Variants in SIRPA observed in about 807,000 individuals in gnomAD.
SIRPA encodes signal regulatory protein alpha, also known as tyrosine-protein phosphatase non-receptor type substrate 1.
SIRPA carries 9 observed loss-of-function variants against 50.3 expected under a neutral mutation model. That is an observed-to-expected ratio of 0.18 (90% CI 0.11 to 0.31). The LOEUF (loss-of-function observed/expected upper bound fraction) is 0.31, where lower values mean the gene tolerates loss of function less well. SIRPA is among the 10% of genes least tolerant of loss of function. The probability of loss-of-function intolerance (pLI) is 1.00; values close to 1 mark genes in which losing one functional copy is unlikely to be tolerated. For synonymous variants in SIRPA, 265 were observed against 284.1 expected (o/e 0.93, Z 0.68); for missense variants, 474 against 661.6 (o/e 0.72, Z 3.11).
chr20:1,917,899 C>T (rs1272992984), intron 2 of SIRPA, among the ~76,000 whole-genome samples: 1 of 152,126 alleles, frequency 6.6e-6, no homozygotes, highest in East Asian at 1.9e-4. Context: ...CCTAGAACTG[C>T]ATGAAGTCAG....
rs1421667525 is a variant in SIRPA, at chr20:1,932,188, GT to G, written c.1227-2526del. Among the ~76,000 whole-genome samples, 1 of 152,208 alleles carries G rather than the reference GT, an allele frequency of 6.6e-6. No individual in the cohort carries two copies. Among genetic ancestry groups the G allele is most frequent in the African/African-American group, 2.4e-5 (1 of 41,442 alleles). ...CCAGTTCCTCCCTGTGTGAAGCTCAGTGTCCGCTGAGGAGACAGGTTACCAG... is the reference window on the plus strand; with the variant it reads ...CCAGTTCCTCCCTGTGTGAAGCTCAGGTCCGCTGAGGAGACAGGTTACCAG... On this transcript the variant is annotated intron_variant, in intron 6 of 7. Coordinates refer to ENST00000358771, the MANE Select transcript of SIRPA (RefSeq NM_001040023.2). This position sits in a 1 kb window ranked among gnomAD's most constrained non-coding sequence, Gnocchi z 6.0.
At chr20:1,926,461 G>A (rs1985986893) in intron 5 of SIRPA, among the ~76,000 whole-genome samples, 1 of 152,244 alleles carries the variant, frequency 6.6e-6, no homozygotes, top group African/African-American at 2.4e-5. Context: ...GGGCTTAGGT[G>A]TTGCAGAGGA....
chr20:1,922,294 C>G lies in SIRPA; in HGVS notation c.755-19C>G, dbSNP rs1298947552. 3 of 1,613,212 alleles carry G rather than the reference C, an allele frequency of 1.9e-6. No individual in the cohort carries two copies. The highest frequency in any genetic ancestry group is 1.7e-6 in the Non-Finnish European group (2 of 1,179,420). ...TGTCTGTGCCACAAGGTCAGAGCTTCTGCCCTGTGCTGTTTCAGTTCCACC... is the reference window on the plus strand; with the variant it reads ...TGTCTGTGCCACAAGGTCAGAGCTTGTGCCCTGTGCTGTTTCAGTTCCACC... On this transcript the variant is annotated intron_variant, in intron 3 of 7. Transcript: ENST00000358771.
chr20:1,915,506 T>C (rs1180346660), intron 2 of SIRPA, 51 bp downstream of exon 2: 1 of 1,588,430 alleles, frequency 6.3e-7, no homozygotes, highest in East Asian at 2.2e-5. Flanking sequence ...AGTAACTCAA[T>C]AATAACACCC....
At position 1,903,473 on chromosome 20, in the gene SIRPA, G is replaced by A. The variant is rs991974035; in HGVS notation, c.79+7947G>A. On this transcript the variant is annotated intron_variant, in intron 1 of 7. Coordinates refer to ENST00000358771, the MANE Select transcript of SIRPA (RefSeq NM_001040023.2). The stretch of plus-strand genomic sequence containing the variant: ...ATCCCCATTGCTGCTTTCCGCAGCC[G>A]TCCTTGCCCCCTTCGGGCTCTTCAC... Among the ~76,000 whole-genome samples the A allele has an allele frequency of 4.6e-5, 7 of 152,286 alleles. 1 individual carries two copies. Among genetic ancestry groups the A allele is most frequent in the Admixed American group, 6.5e-5 (1 of 15,298 alleles).
Position 1,940,016 on chromosome 20 carries a change from C to T in SIRPA, c.*2448C>T, listed in dbSNP as rs1986790676. ...ATGGACCCCAGGGTTTGGAAACAAC[C>T]TACAGCATTTGAGCCCCTCACGTAG... On this transcript the variant is annotated 3_prime_UTR_variant, in exon 8 of 8. Coordinates refer to ENST00000358771, the MANE Select transcript of SIRPA (RefSeq NM_001040023.2). 6.6e-6 allele frequency: 1 copy of T among 152,320 alleles called. No homozygotes were observed. Among genetic ancestry groups the T allele is most frequent in the Non-Finnish European group, 1.5e-5 (1 of 68,048 alleles). The allele number at this position is 152,320 out of a possible 1,614,324, so 9.4% of individuals were successfully genotyped here.
chr20:1,917,744 T>G (rs1192889286), intron 2 of SIRPA, among the ~76,000 whole-genome samples: 1 of 152,068 alleles, frequency 6.6e-6, no homozygotes. Flanking sequence ...GGACTAAGGA[T>G]GAGGAGATGA....
At position 1,937,534 on chromosome 20, in the gene SIRPA, C is replaced by T. The variant is rs376079666; in HGVS notation, c.1481C>T (p.Ser494Leu). Reference sequence around the variant, plus strand: ...GCCCCCAAGCCTGAGCCGTCCTTCTCAGAGTACGCCAGCGTCCAGGTCCCG... The same window carrying T: ...GCCCCCAAGCCTGAGCCGTCCTTCTTAGAGTACGCCAGCGTCCAGGTCCCG... ...QPAPKPEPSF[S>L]EYASVQVPRK The change falls in exon 8 of 8, where the codon TCA becomes TTA. Residue 494 changes from serine (S) to leucine (L), a missense_variant. Ser to Leu is a moderately radical substitution (Grantham distance 145, BLOSUM62 -2). This residue lies in a region of SIRPA where 180 missense variants were observed against 206.7 expected (regional missense o/e 0.87). Transcript: ENST00000358771. This position sits in a 1 kb window ranked among gnomAD's most constrained non-coding sequence, Gnocchi z 8.3. 17 of 1,614,182 alleles carry T rather than the reference C, an allele frequency of 1.1e-5. No homozygotes were observed. In the Middle Eastern group the frequency reaches 4.9e-4, roughly 47 times the overall value.
At chr20:1,930,263 G>T (rs1294783465) in intron 6 of SIRPA, among the ~76,000 whole-genome samples, 1 of 152,184 alleles carries the variant, frequency 6.6e-6, no homozygotes, top group African/African-American at 2.4e-5. Flanking sequence ...TCCTGGTGCC[G>T]CAGCGTGGAC....
At chr20:1,903,540 G>A (rs147477600) in intron 1 of SIRPA, among the ~76,000 whole-genome samples, 1 of 152,276 alleles carries the variant, frequency 6.6e-6, no homozygotes, top group East Asian at 1.9e-4. Context: ...TGGTTCTGCT[G>A]GAAACCTTTT....
In SIRPA at chr20:1,933,258, G is replaced by C. The variant is rs1484668286; in HGVS notation, c.1227-1457G>C. 6.6e-6 allele frequency among the ~76,000 whole-genome samples: 1 copy of C among 152,206 alleles called. No individual in the cohort carries two copies. Among genetic ancestry groups the C allele is most frequent in the Non-Finnish European group, 1.5e-5 (1 of 68,030 alleles). On this transcript the variant is annotated intron_variant, in intron 6 of 7. Transcript: ENST00000358771. The surrounding 1 kb of genome is among the most constrained non-coding windows in gnomAD (Gnocchi z 4.4). The stretch of plus-strand genomic sequence containing the variant: ...TTGTCATGGAGGGGCAGCCCAGCCA[G>C]CGCAGCACTGTCAGCAGAGCCATCA...
In SIRPA at chr20:1,934,690, A is replaced by C; in HGVS notation, c.1227-25A>C. 1.2e-6 allele frequency: 2 copies of C among 1,613,304 alleles called. No individual in the cohort carries two copies. ...CACTTGAGATAGTGAGGGTATTTTT[A>C]TCTGTGTGTCTCTTTCCTTTTTAGG... On this transcript the variant is annotated intron_variant, in intron 6 of 7. Coordinates refer to ENST00000358771, the MANE Select transcript of SIRPA (RefSeq NM_001040023.2). The surrounding 1 kb of genome is among the most constrained non-coding windows in gnomAD (Gnocchi z 4.6).
chr20:1,940,493 T>C lies in SIRPA; in HGVS notation c.*2925T>C, dbSNP rs1986801578. On this transcript the variant is annotated 3_prime_UTR_variant, in exon 8 of 8. Transcript: ENST00000358771. ...ACTGATGTCAAGTGCTGGTTTATAG[T>C]GGGTGCTCAATAAATGTTAGTTTCC... is the stretch of plus-strand genomic sequence containing the variant. The C allele has an allele frequency of 6.6e-6, 1 of 152,230 alleles. No homozygotes were observed. The highest frequency in any genetic ancestry group is 1.5e-5 in the Non-Finnish European group (1 of 68,042). The allele number at this position is 152,230 out of a possible 1,614,324, so 9.4% of individuals were successfully genotyped here. A position where few individuals can be genotyped will look rare whatever the true frequency, so the allele number is the denominator to read the frequency against.
chr20:1,900,249 C>T (rs553871345), intron 1 of SIRPA, among the ~76,000 whole-genome samples: 16 of 151,914 alleles, frequency 1.1e-4, no homozygotes, highest in South Asian at 8.3e-4. Context: ...TACAGGGATG[C>T]GCCACCATGC....
chr20:1,911,090 A>G (rs2123060016), intron 1 of SIRPA, among the ~76,000 whole-genome samples: 1 of 152,362 alleles, frequency 6.6e-6, no homozygotes, highest in South Asian at 2.1e-4. Flanking sequence ...ATCTTGTAAC[A>G]CATTTCCATT....
intron 1 of SIRPA, among the ~76,000 whole-genome samples, chr20:1,908,218 C>A (rs1430505948): frequency 1.3e-5 from 2 of 152,194 alleles, no homozygotes; most frequent in Middle Eastern, 3.4e-3. Flanking sequence ...CAGCTGGACA[C>A]ACTCCCGAAC....
intron 3 of SIRPA, 33 bp downstream of exon 3, chr20:1,921,745 C>T (rs577242322): frequency 6.2e-7 from 1 of 1,613,870 alleles, no homozygotes; most frequent in South Asian, 1.1e-5. Context: ...AAGCCCACAC[C>T]TGACCGCCAA....
chr20:1,904,054 T>C (rs988102061), intron 1 of SIRPA, among the ~76,000 whole-genome samples: 1 of 152,116 alleles, frequency 6.6e-6, no homozygotes, highest in African/African-American at 2.4e-5. Flanking sequence ...AATCCCCCTT[T>C]TAAAGAGGAG....
intron 1 of SIRPA, among the ~76,000 whole-genome samples, chr20:1,901,886 G>A (rs1433905277): frequency 6.6e-6 from 1 of 152,182 alleles, no homozygotes; most frequent in Non-Finnish European, 1.5e-5. Context: ...CTCCCAGCCA[G>A]GAGGGACGGC....
Sources: allele counts gnomAD v4.1 joint callset (sites outside exome capture counted in the v4.1 genomes callset), GRCh38; gene constraint gnomAD v4.1.1; regional missense constraint gnomAD v4.1.1; non-coding constraint Gnocchi (gnomAD v3.1); transcripts MANE v1.5; gene names NCBI Gene and HGNC (gene_info 2026-07-23, HGNC 2026-07-21).